CCT6B: variants seen among roughly 807,000 people sequenced by gnomAD.
The protein encoded by CCT6B is probable T-complex protein 1 subunit zeta-2.
In CCT6B, 49 loss-of-function variants were observed where a neutral mutation model predicts 61.5. The observed-to-expected ratio is 0.80, with a 90% confidence interval of 0.63 to 1.01. The LOEUF (loss-of-function observed/expected upper bound fraction) is 1.01, where lower values mean the gene tolerates loss of function less well. CCT6B is among the 50% of genes least tolerant of loss of function. The probability of loss-of-function intolerance (pLI) is 0.00; values close to 1 mark genes in which losing one functional copy is unlikely to be tolerated. For synonymous variants in CCT6B, 228 were observed against 214.5 expected (o/e 1.06, Z -0.55); for missense variants, 666 against 634.7 (o/e 1.05, Z -0.53).
chr17:34,937,229 C>A (rs12453104), intron 10 of CCT6B, among the ~76,000 whole-genome samples: 10,630 of 151,808 alleles, frequency 0.07, 533 homozygotes, highest in Non-Finnish European at 0.089. Context: ...TTCTAAAATT[C>A]ATATGGAAGT....
chr17:34,942,194 T>TC (rs2090171350), intron 7 of CCT6B, among the ~76,000 whole-genome samples: 2 of 152,242 alleles, frequency 1.3e-5, no homozygotes, highest in African/African-American at 4.8e-5. Context: ...TTTTTTTTTT[T>TC]CACTGTAAGT....
At chr17:34,955,044 A>C (rs924302516) in intron 3 of CCT6B, among the ~76,000 whole-genome samples, 24 of 152,254 alleles carry the variant, frequency 1.6e-4, no homozygotes, top group Non-Finnish European at 5.9e-5. Context: ...TGCATTCAGT[A>C]GAACACAACA....
chr17:34,951,272 A>T (rs1037303081), intron 5 of CCT6B, among the ~76,000 whole-genome samples: 2 of 151,828 alleles, frequency 1.3e-5, no homozygotes, highest in Non-Finnish European at 2.9e-5. Context: ...ATTAGGTAAA[A>T]GCAGGGGGTT....
chr17:34,961,264 T>C lies in CCT6B; in HGVS notation c.130A>G (p.Met44Val). The C allele has an allele frequency of 1.9e-6, 3 of 1,604,144 alleles. No homozygotes were observed. The highest frequency in any genetic ancestry group is 1.1e-5 in the South Asian group (1 of 90,196). The change falls in exon 1 of 14, where the codon ATG (methionine) becomes GTG (valine). Residue 44 changes from methionine (M) to valine (V), a missense_variant. Met to Val is a conservative substitution (Grantham distance 21). Coordinates refer to ENST00000314144, the MANE Select transcript of CCT6B (RefSeq NM_006584.4). ...LRTNLGPKGT[M>V]KMLVSGAGDI... ...CTCCAACCGCTGTCTCACATTTTCA[T>C]GGTGCCTTTAGGACCCAAGTTGGTC...
rs199538172 is a variant in CCT6B, at chr17:34,952,038, C to G, written c.526G>C (p.Val176Leu). 2.7e-4 allele frequency: 430 copies of G among 1,600,810 alleles called. 3 individuals are homozygous for G. The South Asian group carries it at 4.3e-3, about 16-fold the overall frequency. Residue 176 changes from valine to leucine, a missense_variant, in exon 5 of 14, where the codon GTT (valine) becomes CTT (leucine). Coordinates refer to ENST00000314144, the MANE Select transcript of CCT6B (RefSeq NM_006584.4). ...DVLTEVVVDS[V>L]LAVRRPGYPI... ...TAACCTGGTCTTCTAACAGCCAAAA[C>G]AGAATCCACCACAACCTGAAAGAGA...
intron 1 of CCT6B, among the ~76,000 whole-genome samples, chr17:34,960,690 G>A (rs537362255): frequency 2.8e-4 from 43 of 152,274 alleles, no homozygotes; most frequent in South Asian, 2.1e-4. Context: ...ATTACTATGA[G>A]GATGTGTCTC....
At chr17:34,960,380 C>T (rs139403196) in intron 1 of CCT6B, among the ~76,000 whole-genome samples, 11 of 152,312 alleles carry the variant, frequency 7.2e-5, no homozygotes, top group African/African-American at 2.4e-4. Flanking sequence ...TGGATTTGCA[C>T]CATTGGTCTT....
chr17:34,946,634 G>A (rs8067509), intron 5 of CCT6B, among the ~76,000 whole-genome samples: 30,986 of 151,916 alleles, frequency 0.2, 3,718 homozygotes, highest in East Asian at 0.56. Context: ...TATTAATAAT[G>A]GGCAAAAAAT....
intron 5 of CCT6B, chr17:34,943,771 TATAA>T (rs1008984773): frequency 9.7e-5 from 14 of 144,750 alleles, no homozygotes; most frequent in African/African-American, 3.3e-4. Context: ...TAATAAAAAA[TATAA>T]ATAAATAAAT....
chr17:34,961,403 G>C lies in CCT6B; in HGVS notation c.-10C>G. The C allele has an allele frequency of 2.5e-6, 4 of 1,575,230 alleles. No individual in the cohort carries two copies. Among genetic ancestry groups the C allele is most frequent in the South Asian group, 1.2e-5 (1 of 85,172 alleles). ...CCTTTATCGCAGCCATAGCCTAACC[G>C]TTCAGAGGGAGAAAAAAAAAAAGCC... On this transcript the variant is annotated 5_prime_UTR_variant, in exon 1 of 14. Transcript: ENST00000314144.
At chr17:34,954,980 A>G (rs894670324) in intron 3 of CCT6B, among the ~76,000 whole-genome samples, 3 of 152,250 alleles carry the variant, frequency 2.0e-5, no homozygotes, top group African/African-American at 7.2e-5. Flanking sequence ...CCAAGTGATC[A>G]AAGTTAACAT....
intron 5 of CCT6B, chr17:34,949,722 T>A (rs1199656380): frequency 1.3e-5 from 2 of 152,122 alleles, no homozygotes; most frequent in African/African-American, 4.8e-5. Context: ...AAACTATGCA[T>A]CTAAAAAGAT....
intron 13 of CCT6B, among the ~76,000 whole-genome samples, 157 bp from the exon 14 acceptor site, chr17:34,928,274 C>CTTTT (rs778522093): frequency 6.9e-6 from 1 of 145,256 alleles, no homozygotes. Flanking sequence ...CAAATGTCAC[C>CTTTT]TTTTTTTTTT....
At chr17:34,942,028 A>G (rs2090169286) in intron 7 of CCT6B, among the ~76,000 whole-genome samples, 1 of 152,018 alleles carries the variant, frequency 6.6e-6, no homozygotes, top group South Asian at 2.1e-4. Context: ...ATGACAGAAC[A>G]AGACCCTGTC....
chr17:34,932,413 C>T lies in CCT6B; in HGVS notation c.1301G>A (p.Arg434His), dbSNP rs749729604. The T allele has an allele frequency of 9.3e-6, 15 of 1,611,928 alleles. No individual in the cohort carries two copies. The highest frequency in any genetic ancestry group is 5.3e-5 in the African/African-American group (4 of 74,956). Reference sequence around the variant, plus strand: ...ATCAGCAAAAGCTTGGACTCCAAGACGAGCTCTTCCTTTTATACTGTTCTT... The same window carrying T: ...ATCAGCAAAAGCTTGGACTCCAAGATGAGCTCTTCCTTTTATACTGTTCTT... ...TYKNSIKGRA[R>H]LGVQAFADAL... The change falls in exon 11 of 14, where the codon CGT becomes CAT. Residue 434 changes from arginine (R) to histidine (H), a missense_variant. By Grantham distance (29) the Arg-to-His change is conservative. Transcript: ENST00000314144.
At chr17:34,956,197 C>T (rs2090345878) in intron 3 of CCT6B, among the ~76,000 whole-genome samples, 1 of 152,176 alleles carries the variant, frequency 6.6e-6, no homozygotes, top group South Asian at 2.1e-4. Context: ...TTCTCCACTA[C>T]TGTTCACATC....
intron 7 of CCT6B, among the ~76,000 whole-genome samples, chr17:34,941,257 T>C (rs542459386): frequency 3.9e-4 from 60 of 152,350 alleles, no homozygotes; most frequent in African/African-American, 1.3e-3. Flanking sequence ...CCATGTATGA[T>C]TTTATAAAAA....
At chr17:34,954,709 A>T in intron 3 of CCT6B, 110 bp from the exon 4 acceptor site, 1 of 777,888 alleles carries the variant, frequency 1.3e-6, no homozygotes, top group Non-Finnish European at 2.0e-6. Context: ...TAATGCCATG[A>T]AATATAAGTG....
chr17:34,951,179 T>TA (rs1479774563), intron 5 of CCT6B, among the ~76,000 whole-genome samples: 1 of 152,220 alleles, frequency 6.6e-6, no homozygotes, highest in Non-Finnish European at 1.5e-5. Flanking sequence ...AGACAACTGT[T>TA]AGACAAATTA....
Sources: gnomAD v4.1 joint callset for allele counts (sites outside exome capture counted in the v4.1 genomes callset) on GRCh38, gnomAD v4.1.1 for gene constraint, MANE v1.5 for transcripts, NCBI Gene and HGNC (gene_info 2026-07-23, HGNC 2026-07-21) for gene names.